Variants in NDUFS7 observed in about 807,000 individuals in gnomAD.
NDUFS7 encodes NADH dehydrogenase [ubiquinone] iron-sulfur protein 7, mitochondrial.
In NDUFS7, 11 loss-of-function variants were observed where a neutral mutation model predicts 31.1. That is an observed-to-expected ratio of 0.35 (90% CI 0.22 to 0.59). NDUFS7 has a LOEUF of 0.59. Among genes scored for constraint, NDUFS7 ranks in the 20% least tolerant of loss-of-function variants. NDUFS7 has a pLI of 0.79. For missense variants in NDUFS7, 263 were observed against 324.2 expected, an observed-to-expected ratio of 0.81 and a Z score of 1.45; for synonymous variants, 136 against 127.9, an observed-to-expected ratio of 1.06 and a Z score of -0.43.
At chr19:1,387,886 C>T in intron 2 of NDUFS7, 39 bp downstream of exon 2, 1 of 1,479,366 alleles carries the variant, frequency 6.8e-7, no homozygotes, top group Non-Finnish European at 9.2e-7. Context: ...TGGGAGGGGC[C>T]TTCAGCAGCG....
At chr19:1,394,844 G>C (rs531616273) in intron 7 of NDUFS7, 17 of 1,154,208 alleles carry the variant, frequency 1.5e-5, no homozygotes, top group African/African-American at 1.6e-5. Context: ...CCTGGGCTTC[G>C]TCCTCTTGCT....
intron 4 of NDUFS7, chr19:1,389,152 CGCACACAT>C (rs753887317): frequency 4.4e-5 from 31 of 701,148 alleles, no homozygotes; most frequent in East Asian, 4.3e-4. Context: ...TATGCACACT[CGCACACAT>C]GCACACTTGC....
chr19:1,384,045 G>A, intron 1 of NDUFS7, 103 bp downstream of exon 1: 3 of 1,306,810 alleles, frequency 2.3e-6, no homozygotes, highest in South Asian at 3.0e-5. Flanking sequence ...CGTCGTGGCC[G>A]CGGTCCTCTC....
At position 1,395,379 on chromosome 19, in the gene NDUFS7, A is replaced by C; in HGVS notation, c.545-12A>C. Reference sequence around the variant, plus strand: ...GGCTGCGGGAAGCGAGACTGAGGCAAGGTCCCTGCAGGCTGCCCACCTACG... The same window carrying C: ...GGCTGCGGGAAGCGAGACTGAGGCACGGTCCCTGCAGGCTGCCCACCTACG... On this transcript the variant is annotated splice_polypyrimidine_tract_variant and intron_variant, in intron 7 of 7. Transcript: ENST00000233627. 1 of 1,597,034 alleles carries C rather than the reference A, an allele frequency of 6.3e-7. No individual in the cohort carries two copies. The highest frequency in any genetic ancestry group is 1.3e-5 in the African/African-American group (1 of 74,978).
intron 1 of NDUFS7, among the ~76,000 whole-genome samples, chr19:1,385,887 CAGA>C (rs1398370540): frequency 1.3e-5 from 2 of 152,180 alleles, no homozygotes; most frequent in Non-Finnish European, 2.9e-5. Context: ...CAGAGGTTCT[CAGA>C]AGAGTATCTC....
At chr19:1,390,776 CAT>C in intron 4 of NDUFS7, 93 bp from the exon 5 acceptor site, 3 of 1,425,536 alleles carry the variant, frequency 2.1e-6, no homozygotes, top group African/African-American at 1.4e-5. Flanking sequence ...CGCCCCGGGA[CAT>C]GAGTCGGGGG....
In NDUFS7 at chr19:1,388,840, C is replaced by T. The variant is rs766259287; in HGVS notation, c.130C>T (p.Pro44Ser). ...CGTGTGTCTCTGTGCCAGCACCCAG[C>T]CTGCCCTGCCAAAGGCCAGAGCCGT... Reference protein sequence around the residue: ...VATDGPSSTQPALPKARAVAP... With the variant: ...VATDGPSSTQSALPKARAVAP... Residue 44 changes from proline to serine, a missense_variant, in exon 4 of 8, where the codon CCT (proline) becomes TCT (serine). Coordinates refer to ENST00000233627, the MANE Select transcript of NDUFS7 (RefSeq NM_024407.5). 5.6e-6 allele frequency: 9 copies of T among 1,596,226 alleles called. No individual in the cohort carries two copies. Among genetic ancestry groups the T allele is most frequent in the Middle Eastern group, 1.7e-4 (1 of 6,040 alleles).
At chr19:1,384,272 C>A in intron 1 of NDUFS7, 1 of 409,436 alleles carries the variant, frequency 2.4e-6, no homozygotes, top group Non-Finnish European at 4.3e-6. Flanking sequence ...TTGAGATGCC[C>A]TGGAGAGAGC....
chr19:1,389,290 T>G (rs1289018069), intron 4 of NDUFS7: 1 of 561,990 alleles, frequency 1.8e-6, no homozygotes, highest in Admixed American at 2.3e-5. Flanking sequence ...CGCACACACG[T>G]GCACATATAT....
chr19:1,395,505 G>GCCA lies in NDUFS7; in HGVS notation c.*19_*20insACC, dbSNP rs1472175421. The GCCA allele has an allele frequency of 6.4e-7, 1 of 1,561,688 alleles. No homozygotes were observed. Among genetic ancestry groups the GCCA allele is most frequent in the African/African-American group, 1.4e-5 (1 of 73,862 alleles). ...CGCAGGTAGCGCCGCCGCCGCCGCC[G>GCCA]CCGGAGCCTGTCGCCGTCCTGTCCC... On this transcript the variant is annotated 3_prime_UTR_variant, in exon 8 of 8. Transcript: ENST00000233627.
At chr19:1,392,789 T>C (rs2082566061) in intron 6 of NDUFS7, 2 of 236,548 alleles carry the variant, frequency 8.5e-6, no homozygotes, top group Non-Finnish European at 1.7e-5. Flanking sequence ...GAAGCAGTGC[T>C]GGGAGTGGAG....
chr19:1,385,838 AC>A (rs2082504281), intron 1 of NDUFS7, among the ~76,000 whole-genome samples: 1 of 152,092 alleles, frequency 6.6e-6, no homozygotes, highest in Non-Finnish European at 1.5e-5. Flanking sequence ...AACAACAACA[AC>A]AAAAACCCTG....
Position 1,393,809 on chromosome 19 carries a change from T to C in NDUFS7, c.544+479T>C. ...TGAATTTGACCATCAGGAAAACTGT[T>C]AGTAGTAATTGTTTAGTACGAGTAT... On this transcript the variant is annotated intron_variant, in intron 7 of 7. Transcript: ENST00000233627. The surrounding 1 kb of genome is among the most constrained non-coding windows in gnomAD (Gnocchi z 7.3). The C allele has an allele frequency of 2.6e-6, 1 of 377,508 alleles. No individual in the cohort carries two copies. The highest frequency in any genetic ancestry group is 5.4e-5 in the East Asian group (1 of 18,420). 23.4% of individuals were successfully genotyped at this position (377,508 alleles called of 1,614,324 possible).
Position 1,393,907 on chromosome 19 carries a change from G to T in NDUFS7, c.544+577G>T, listed in dbSNP as rs544432716. ...GCATACCTGAAATTCACATCGCACC[G>T]GGAACATTCTTTATATCTGGTGATC... is the stretch of plus-strand genomic sequence containing the variant. On this transcript the variant is annotated intron_variant, in intron 7 of 7. Transcript: ENST00000233627. The surrounding 1 kb of genome is among the most constrained non-coding windows in gnomAD (Gnocchi z 7.3). 7 of 236,832 alleles carry T rather than the reference G, an allele frequency of 3.0e-5. No homozygotes were observed. In the East Asian group the frequency reaches 7.5e-4, roughly 25 times the overall value. The allele number at this position is 236,832 out of a possible 1,614,324, so 14.7% of individuals were successfully genotyped here.
At chr19:1,394,840 C>T in intron 7 of NDUFS7, 1 of 1,156,640 alleles carries the variant, frequency 8.6e-7, no homozygotes. Context: ...GGGCCCTGGG[C>T]TTCGTCCTCT....
chr19:1,389,059 A>C (rs755619725), intron 4 of NDUFS7, 121 bp downstream of exon 4: 20 of 834,312 alleles, frequency 2.4e-5, no homozygotes, highest in Middle Eastern at 2.1e-4. Context: ...ATGCACACTC[A>C]CATGCGCACA....
At chr19:1,387,920 TGGGG>T (rs1239965579) in intron 2 of NDUFS7, 73 bp downstream of exon 2, 1 of 113,764 alleles carries the variant, frequency 8.8e-6, no homozygotes, top group Non-Finnish European at 1.6e-5. Flanking sequence ...GCGGGGGGGG[TGGGG>T]GGTGGGGGGA....
In NDUFS7 at chr19:1,393,238, A is replaced by G. The variant is rs1177029099; in HGVS notation, c.456-4A>G. 1 of 1,557,770 alleles carries G rather than the reference A, an allele frequency of 6.4e-7. No individual in the cohort carries two copies. The highest frequency in any genetic ancestry group is 1.2e-5 in the South Asian group (1 of 84,528). The stretch of plus-strand genomic sequence containing the variant: ...ACACTCCCCTCACGGTGCCTCCCCA[A>G]CAGCTGCGCCAACGGAGGAGGCTAC... On this transcript the variant is annotated splice_region_variant and splice_polypyrimidine_tract_variant and intron_variant, in intron 6 of 7. Coordinates refer to ENST00000233627, the MANE Select transcript of NDUFS7 (RefSeq NM_024407.5). This position sits in a 1 kb window ranked among gnomAD's most constrained non-coding sequence, Gnocchi z 7.3.
intron 1 of NDUFS7, among the ~76,000 whole-genome samples, chr19:1,386,188 G>T (rs1199819792): frequency 6.6e-6 from 1 of 152,188 alleles, no homozygotes; most frequent in African/African-American, 2.4e-5. Context: ...TCAAACCCTG[G>T]CCCTGGCCCC....
Sources: allele counts gnomAD v4.1 joint callset (sites outside exome capture counted in the v4.1 genomes callset), GRCh38; gene constraint gnomAD v4.1.1; non-coding constraint Gnocchi (gnomAD v3.1); transcripts MANE v1.5; gene names NCBI Gene and HGNC (gene_info 2026-07-23, HGNC 2026-07-21).